UBAP1: variants seen among roughly 807,000 people sequenced by gnomAD.
UBAP1 encodes the protein ubiquitin-associated protein 1.
Under a neutral mutation model 39.0 loss-of-function variants are expected in UBAP1, and 5 were observed. The ratio of observed to expected loss-of-function variants is 0.13; its 90% CI spans 0.07 to 0.27. The LOEUF (loss-of-function observed/expected upper bound fraction) is 0.27. Ranked by LOEUF, UBAP1 falls within the 10% of genes least tolerant of loss-of-function variation. The probability of loss-of-function intolerance (pLI) is 1.00; values close to 1 mark genes in which losing one functional copy is unlikely to be tolerated. For synonymous variants in UBAP1, 211 were observed against 225.1 expected, an observed-to-expected ratio of 0.94 and a Z score of 0.56; for missense variants, 490 against 608.1, an observed-to-expected ratio of 0.81 and a Z score of 2.04.
At chr9:34,204,280 C>G (rs528337846) in intron 1 of UBAP1, among the ~76,000 whole-genome samples, 1 of 152,346 alleles carries the variant, frequency 6.6e-6, no homozygotes, top group East Asian at 1.9e-4. Flanking sequence ...CAGAGCAAGA[C>G]TCTGTCTCAA....
rs1316811777 is a variant in UBAP1 at position 34,252,070 on chromosome 9, A to G, written c.*538A>G. 2 of 152,806 alleles carry G rather than the reference A, an allele frequency of 1.3e-5. No homozygotes were observed. Among genetic ancestry groups the G allele is most frequent in the African/African-American group, 4.8e-5 (2 of 41,458 alleles). The allele number at this position is 152,806 out of a possible 1,614,324, so 9.5% of individuals were successfully genotyped here. A position where few individuals can be genotyped will look rare whatever the true frequency, so the allele number is the denominator to read the frequency against. On this transcript the variant is annotated 3_prime_UTR_variant, in exon 7 of 7. Transcript: ENST00000297661. ...TGGTTCTGCAATATCTCTGAGGTGC[A>G]AAGAATGCACTTTTCCCTATGGGGC...
intron 2 of UBAP1, 142 bp from the exon 3 acceptor site, chr9:34,234,074 A>G (rs537239223): frequency 2.6e-6 from 2 of 776,320 alleles, no homozygotes; most frequent in Non-Finnish European, 3.9e-6. Context: ...GGTCAAGGAA[A>G]AGGTAAGCAG....
At chr9:34,228,936 G>A (rs1010207643) in intron 2 of UBAP1, among the ~76,000 whole-genome samples, 3 of 151,842 alleles carry the variant, frequency 2.0e-5, no homozygotes, top group African/African-American at 7.3e-5. Context: ...CCTCCTTCCA[G>A]TAATCACTGA....
intron 1 of UBAP1, among the ~76,000 whole-genome samples, chr9:34,184,216 G>A (rs1031188051): frequency 1.4e-4 from 21 of 152,076 alleles, no homozygotes; most frequent in African/African-American, 4.8e-4. Context: ...CGAGAGTTAC[G>A]ATTTCAGGTT....
intron 1 of UBAP1, among the ~76,000 whole-genome samples, chr9:34,213,559 A>T (rs970649504): frequency 6.6e-6 from 1 of 152,192 alleles, no homozygotes; most frequent in East Asian, 1.9e-4. Flanking sequence ...CCTACAGCCA[A>T]CCTAATACTG....
Position 34,234,175 on chromosome 9 carries a change from A to C in UBAP1, c.35-41A>C, listed in dbSNP as rs775712132. ...TAAGATTATGGCAAAACAAATAATGAAGTTCTTTGCTGATATTTTCTACTT... is the reference window on the plus strand; with the variant it reads ...TAAGATTATGGCAAAACAAATAATGCAGTTCTTTGCTGATATTTTCTACTT... On this transcript the variant is annotated intron_variant, in intron 2 of 6. Coordinates refer to ENST00000297661, the MANE Select transcript of UBAP1 (RefSeq NM_016525.5). The C allele has an allele frequency of 1.9e-6, 3 of 1,567,254 alleles. No homozygotes were observed. The African/African-American group carries it at 4.1e-5, about 22-fold the overall frequency.
At position 34,211,622 on chromosome 9, in the gene UBAP1, C is replaced by T. The variant is rs1832021591; in HGVS notation, c.-7-9286C>T. Among the ~76,000 whole-genome samples, 3 of 152,230 alleles carry T rather than the reference C, an allele frequency of 2.0e-5. 1 individual carries two copies. Among genetic ancestry groups the T allele is most frequent in the East Asian group, 1.9e-4 (1 of 5,184 alleles). The stretch of plus-strand genomic sequence containing the variant: ...TACAGTTGCCCTTGGGCTTTCTCCT[C>T]CCCTTCTCAGAGGGCCTGGTCCTTC... On this transcript the variant is annotated intron_variant, in intron 1 of 6. Coordinates refer to ENST00000297661, the MANE Select transcript of UBAP1 (RefSeq NM_016525.5).
chr9:34,206,821 AC>A (rs774097827), intron 1 of UBAP1, among the ~76,000 whole-genome samples: 11 of 152,080 alleles, frequency 7.2e-5, no homozygotes, highest in Non-Finnish European at 1.6e-4. Flanking sequence ...CTAGGTGACT[AC>A]CCAGTTGTCC....
At chr9:34,205,764 C>T (rs1410577317) in intron 1 of UBAP1, among the ~76,000 whole-genome samples, 1 of 152,036 alleles carries the variant, frequency 6.6e-6, no homozygotes, top group African/African-American at 2.4e-5. Context: ...GAGGCTGAGG[C>T]GGGAGGATCA....
intron 4 of UBAP1, among the ~76,000 whole-genome samples, chr9:34,248,471 T>A (rs570980021): frequency 6.6e-6 from 1 of 152,208 alleles, no homozygotes; most frequent in African/African-American, 2.4e-5. Context: ...GGGAATGTCA[T>A]GTGAGAGCTG....
intron 1 of UBAP1, among the ~76,000 whole-genome samples, chr9:34,182,159 C>T (rs962644557): frequency 1.8e-5 from 2 of 113,500 alleles, no homozygotes; most frequent in Non-Finnish European, 3.6e-5. Context: ...GGATCCCTGA[C>T]GTTTATTTAT....
chr9:34,238,832 A>T (rs1440045474), intron 3 of UBAP1, among the ~76,000 whole-genome samples: 3 of 152,204 alleles, frequency 2.0e-5, no homozygotes, highest in Non-Finnish European at 4.4e-5. Flanking sequence ...CTCATTATTC[A>T]CTGCTTTACT....
intron 3 of UBAP1, among the ~76,000 whole-genome samples, chr9:34,237,217 G>A (rs1451765747): frequency 7.6e-6 from 1 of 132,116 alleles, no homozygotes; most frequent in Non-Finnish European, 1.6e-5. Flanking sequence ...TTTATGAGAG[G>A]TGGTCTACTG....
intron 3 of UBAP1, among the ~76,000 whole-genome samples, chr9:34,237,202 G>A (rs753003703): frequency 2.0e-5 from 3 of 149,574 alleles, no homozygotes; most frequent in Non-Finnish European, 1.5e-5. Context: ...TTTACTAAAC[G>A]CATGTTTATG....
chr9:34,212,189 T>C (rs1014229465), intron 1 of UBAP1, among the ~76,000 whole-genome samples: 1 of 152,210 alleles, frequency 6.6e-6, no homozygotes, highest in African/African-American at 2.4e-5. Context: ...CAAACATTTC[T>C]TTCAGTCTTG....
Position 34,251,645 on chromosome 9 carries a change from A to G in UBAP1, c.*113A>G, listed in dbSNP as rs540400045. 2 of 1,268,742 alleles carry G rather than the reference A, an allele frequency of 1.6e-6. No individual in the cohort carries two copies. Among genetic ancestry groups the G allele is most frequent in the East Asian group, 5.0e-5 (2 of 39,796 alleles). The allele number at this position is 1,268,742 out of a possible 1,614,324, so 78.6% of individuals were successfully genotyped here. A position where few individuals can be genotyped will look rare whatever the true frequency, so the allele number is the denominator to read the frequency against. ...TTCCGGATTTTCTTTTGGGGGTTAG[A>G]AGGTCAGGTGTGGAGACTGCTCGCC... is the stretch of plus-strand genomic sequence containing the variant. On this transcript the variant is annotated 3_prime_UTR_variant, in exon 7 of 7. Coordinates refer to ENST00000297661, the MANE Select transcript of UBAP1 (RefSeq NM_016525.5).
chr9:34,221,446 C>T (rs1004210943), intron 2 of UBAP1, among the ~76,000 whole-genome samples: 4 of 150,608 alleles, frequency 2.7e-5, no homozygotes, highest in African/African-American at 7.3e-5. Context: ...AGAAGAATGG[C>T]GTGAACCCGG....
At position 34,242,067 on chromosome 9, in the gene UBAP1, G is replaced by C. The variant is rs773933890; in HGVS notation, c.1042G>C (p.Val348Leu). The C allele has an allele frequency of 1.2e-6, 2 of 1,612,270 alleles. No individual in the cohort carries two copies. The highest frequency in any genetic ancestry group is 1.7e-5 in the Admixed American group (1 of 59,978). ...SQMPSLSVLSVCTEESSPPNT... is the reference protein window; with the variant it reads ...SQMPSLSVLSLCTEESSPPNT... Reference sequence around the variant, plus strand: ...GATGCCTTCCCTCTCTGTTTTGTCTGTGTGCACAGAGGAATCATCACCTCC... The same window carrying C: ...GATGCCTTCCCTCTCTGTTTTGTCTCTGTGCACAGAGGAATCATCACCTCC... The change falls in exon 4 of 7, where the codon GTG becomes CTG. Residue 348 changes from valine (V) to leucine (L), a missense_variant. Physicochemically the swap from Val to Leu is conservative, Grantham distance 32. Around this residue, in one of 3 missense-constraint regions of UBAP1, gnomAD observed 339 missense variants for 390.0 expected, o/e 0.87. Transcript: ENST00000297661.
In UBAP1 at chr9:34,201,738, A is replaced by G. The variant is rs780260200; in HGVS notation, c.-7-19170A>G. ...GGGTGTTCTCCAGTTCAATGCCGAC[A>G]CTGTCTACCTGGAGATAGTGTCAGA... On this transcript the variant is annotated intron_variant, in intron 1 of 6. Coordinates refer to ENST00000297661, the MANE Select transcript of UBAP1 (RefSeq NM_016525.5). 4.7e-4 allele frequency among the ~76,000 whole-genome samples: 71 copies of G among 152,256 alleles called. 1 individual carries two copies. The highest frequency in any genetic ancestry group is 7.2e-4 in the Admixed American group (11 of 15,300).
Sources: gnomAD v4.1 joint callset for allele counts (sites outside exome capture counted in the v4.1 genomes callset) on GRCh38, gnomAD v4.1.1 for gene constraint, gnomAD v4.1.1 regional missense constraint, MANE v1.5 for transcripts, NCBI Gene and HGNC (gene_info 2026-07-23, HGNC 2026-07-21) for gene names.